The following BRINP3 variants were observed in gnomAD, a reference collection of about 807,000 sequenced individuals.
BRINP3 encodes BMP/retinoic acid inducible neural specific 3.
A neutral mutation model predicts 71.0 loss-of-function variants in BRINP3; 19 were observed. The observed-to-expected ratio is 0.27, with a 90% CI of 0.19 to 0.39. The LOEUF is 0.39. BRINP3 is among the 10% of genes least tolerant of loss of function. BRINP3 has a pLI of 1.00. For synonymous variants in BRINP3, 380 were observed against 337.7 expected (o/e 1.13, Z -1.37); for missense variants, 959 against 940.8 (o/e 1.02, Z -0.25).
intron 6 of BRINP3, among the ~76,000 whole-genome samples, chr1:190,168,135 A>C (rs1288732512): frequency 1.3e-5 from 2 of 152,084 alleles, no homozygotes; most frequent in Admixed American, 1.3e-4. Context: ...AACCTGTAGA[A>C]ATTTTAGAGT....
At chr1:190,216,486 T>C (rs1470325203) in intron 6 of BRINP3, among the ~76,000 whole-genome samples, 2 of 151,970 alleles carry the variant, frequency 1.3e-5, no homozygotes, top group South Asian at 2.1e-4. Context: ...AATATTGTTA[T>C]TAGAGTGAGA....
At chr1:190,107,650 C>T (rs750897506) in intron 7 of BRINP3, among the ~76,000 whole-genome samples, 1 of 151,894 alleles carries the variant, frequency 6.6e-6, no homozygotes, top group Non-Finnish European at 1.5e-5. Context: ...TATATGTTAG[C>T]TTTCCTAATT....
At chr1:190,108,388 G>C (rs1225807857) in intron 7 of BRINP3, among the ~76,000 whole-genome samples, 1 of 151,424 alleles carries the variant, frequency 6.6e-6, no homozygotes, top group East Asian at 1.9e-4. Flanking sequence ...TTTGTACAAT[G>C]GTTTAAGGAA....
At chr1:190,277,087 T>TCATATATATATATATATA (rs1553276640) in intron 3 of BRINP3, among the ~76,000 whole-genome samples, 3 of 36,006 alleles carry the variant, frequency 8.3e-5, no homozygotes, top group African/African-American at 1.9e-4. Context: ...AATTTTGGTT[T>TCATATATATATATATATA]TATATATATA....
chr1:190,288,000 G>T, intron 2 of BRINP3, among the ~76,000 whole-genome samples: 1 of 152,018 alleles, frequency 6.6e-6, no homozygotes, highest in East Asian at 1.9e-4. Flanking sequence ...GATTAAGCTT[G>T]TTTAAATTAA....
chr1:190,461,200 T>A (rs529586840), intron 1 of BRINP3, among the ~76,000 whole-genome samples: 391 of 152,340 alleles, frequency 2.6e-3, no homozygotes, highest in Non-Finnish European at 3.0e-3. Context: ...CTTATGTATA[T>A]GTGCCAGGAG....
At chr1:190,314,927 G>A (rs868360720) in intron 2 of BRINP3, among the ~76,000 whole-genome samples, 3 of 152,022 alleles carry the variant, frequency 2.0e-5, no homozygotes, top group South Asian at 4.1e-4. Flanking sequence ...CTTCCTATAG[G>A]GGCTTGTTAT....
rs990432733 is a variant in BRINP3 at position 190,333,734 on chromosome 1, C to T, written c.237-51984G>A. On this transcript the variant is annotated intron_variant, in intron 2 of 7. Coordinates refer to ENST00000367462, the MANE Select transcript of BRINP3 (RefSeq NM_199051.3). The stretch of plus-strand genomic sequence containing the variant: ...TAACAACATCCATACTAATTGATTA[C>T]CAACATCTACTTAAACATTTCCTGG... 3.9e-5 allele frequency among the ~76,000 whole-genome samples: 6 copies of T among 151,906 alleles called. No individual in the cohort carries two copies. In the East Asian group the frequency reaches 5.8e-4, roughly 15 times the overall value.
At chr1:190,160,990 A>G (rs1571875065) in intron 6 of BRINP3, 100 bp from the exon 7 acceptor site, 4 of 755,318 alleles carry the variant, frequency 5.3e-6, no homozygotes, top group Non-Finnish European at 8.4e-6. Flanking sequence ...ATATACACAT[A>G]TATGTCAAAT....
chr1:190,265,960 T>G (rs1661624668), intron 3 of BRINP3, among the ~76,000 whole-genome samples: 1 of 152,190 alleles, frequency 6.6e-6, no homozygotes, highest in African/African-American at 2.4e-5. Flanking sequence ...CACTGAAATC[T>G]ATGTAGGATT....
intron 2 of BRINP3, among the ~76,000 whole-genome samples, chr1:190,397,026 T>C (rs1671623701): frequency 6.6e-6 from 1 of 151,888 alleles, no homozygotes; most frequent in African/African-American, 2.4e-5. Flanking sequence ...AGTTAGGTGA[T>C]GAGTCAAAAT....
intron 2 of BRINP3, among the ~76,000 whole-genome samples, chr1:190,317,082 G>A (rs1665932057): frequency 1.4e-5 from 2 of 147,868 alleles, no homozygotes; most frequent in African/African-American, 2.5e-5. Context: ...TGAGATGGGA[G>A]AATCACTTGA....
At chr1:190,202,424 C>T (rs1319068829) in intron 6 of BRINP3, among the ~76,000 whole-genome samples, 2 of 151,968 alleles carry the variant, frequency 1.3e-5, no homozygotes, top group African/African-American at 2.4e-5. Context: ...AATGAGACTT[C>T]GTATTGTGGA....
At chr1:190,329,709 A>T (rs554810896) in intron 2 of BRINP3, among the ~76,000 whole-genome samples, 1 of 152,218 alleles carries the variant, frequency 6.6e-6, no homozygotes, top group South Asian at 2.1e-4. Flanking sequence ...CTGAGCACAA[A>T]GAACAAAGTC....
intron 4 of BRINP3, among the ~76,000 whole-genome samples, chr1:190,236,474 T>C (rs2102748407): frequency 6.6e-6 from 1 of 152,028 alleles, no homozygotes; most frequent in Admixed American, 6.6e-5. Context: ...ATGCATTGAG[T>C]GTGTGTTTAA....
intron 4 of BRINP3, among the ~76,000 whole-genome samples, chr1:190,238,672 A>T (rs1417297854): frequency 6.9e-6 from 1 of 145,604 alleles, no homozygotes; most frequent in Non-Finnish European, 1.5e-5. Context: ...TGGAATTCTC[A>T]TATGCTGCTG....
rs1423181224 is a variant in BRINP3, at chr1:190,167,119, C to A, written c.962-6229G>T. On this transcript the variant is annotated intron_variant, in intron 6 of 7. Transcript: ENST00000367462. ...ATGTGCCATCCAGAATCCCTTTATC[C>A]GATTTTGGATTTTGGTTGTGTCATC... Among the ~76,000 whole-genome samples the A allele has an allele frequency of 3.9e-5, 6 of 152,012 alleles. No individual in the cohort carries two copies. In the South Asian group the frequency reaches 1.0e-3, roughly 26 times the overall value.
At chr1:190,225,344 C>G (rs1413045328) in intron 6 of BRINP3, among the ~76,000 whole-genome samples, 2 of 151,604 alleles carry the variant, frequency 1.3e-5, no homozygotes, top group African/African-American at 2.4e-5. Flanking sequence ...GAACAAGAGG[C>G]CTTTATATTA....
At chr1:190,267,396 A>C (rs1010644819) in intron 3 of BRINP3, among the ~76,000 whole-genome samples, 3 of 152,116 alleles carry the variant, frequency 2.0e-5, no homozygotes, top group Admixed American at 2.0e-4. Context: ...TATTTGAATG[A>C]TAGGCTAACT....
Sources: allele counts gnomAD v4.1 joint callset (sites outside exome capture counted in the v4.1 genomes callset), GRCh38; gene constraint gnomAD v4.1.1; transcripts MANE v1.5; gene names NCBI Gene and HGNC (gene_info 2026-07-23, HGNC 2026-07-21).